GRID2: variants seen among roughly 807,000 people sequenced by gnomAD.
GRID2 encodes the protein glutamate receptor ionotropic, delta-2.
In GRID2, 33 loss-of-function variants were observed where a neutral mutation model predicts 114.8. That is an observed-to-expected ratio of 0.29 (90% CI 0.22 to 0.38). The LOEUF (loss-of-function observed/expected upper bound fraction) is 0.38. Ranked by LOEUF, GRID2 falls within the 10% of genes least tolerant of loss-of-function variation. The pLI, the probability that GRID2 is intolerant of heterozygous loss-of-function variation, is 1.00. For missense variants in GRID2, 1,184 were observed against 1,257.7 expected (o/e 0.94, Z 0.89); for synonymous variants, 505 against 449.9 (o/e 1.12, Z -1.55).
intron 2 of GRID2, among the ~76,000 whole-genome samples, chr4:92,994,494 T>G (rs1755084285): frequency 1.3e-5 from 2 of 151,906 alleles, no homozygotes; most frequent in Non-Finnish European, 2.9e-5. Flanking sequence ...GGGAATTTTT[T>G]TGTATTTTTA....
chr4:93,018,205 T>C (rs887526685), intron 2 of GRID2, among the ~76,000 whole-genome samples: 2 of 133,684 alleles, frequency 1.5e-5, no homozygotes, highest in African/African-American at 6.3e-5. Flanking sequence ...AATTTTAAGT[T>C]CCCAGTGTAT....
intron 2 of GRID2, among the ~76,000 whole-genome samples, chr4:93,019,041 T>C (rs1723030681): frequency 6.6e-6 from 1 of 151,998 alleles, no homozygotes; most frequent in East Asian, 1.9e-4. Context: ...ATAAAGGGAG[T>C]CTTTAGTTAA....
At chr4:93,332,969 G>C (rs1758657081) in intron 8 of GRID2, among the ~76,000 whole-genome samples, 2 of 152,100 alleles carry the variant, frequency 1.3e-5, no homozygotes, top group South Asian at 4.2e-4. Flanking sequence ...CAACCATACT[G>C]GCTTTGATAA....
intron 1 of GRID2, among the ~76,000 whole-genome samples, chr4:93,787,170 T>C (rs146162385): frequency 8.0e-4 from 122 of 151,994 alleles, no homozygotes; most frequent in African/African-American, 2.8e-3. Flanking sequence ...TGTGGGAGTT[T>C]TAATGAACCT....
intron 13 of GRID2, among the ~76,000 whole-genome samples, chr4:93,623,880 T>C (rs575848179): frequency 6.6e-6 from 1 of 152,160 alleles, no homozygotes; most frequent in Non-Finnish European, 1.5e-5. Flanking sequence ...TGCAAAGGTC[T>C]TAAGAGGTTC....
intron 2 of GRID2, among the ~76,000 whole-genome samples, chr4:92,934,701 C>T (rs1296364337): frequency 2.1e-5 from 3 of 146,050 alleles, no homozygotes; most frequent in Non-Finnish European, 3.0e-5. Flanking sequence ...TATAGATCAA[C>T]AGAACAGAAC....
At chr4:92,394,662 T>G (rs947877336) in intron 1 of GRID2, among the ~76,000 whole-genome samples, 1 of 151,992 alleles carries the variant, frequency 6.6e-6, no homozygotes, top group African/African-American at 2.4e-5. Flanking sequence ...ATACTTTTTA[T>G]TCTAAAAATT....
At chr4:93,002,027 T>C (rs1042616639) in intron 2 of GRID2, among the ~76,000 whole-genome samples, 5 of 151,616 alleles carry the variant, frequency 3.3e-5, no homozygotes, top group Non-Finnish European at 7.4e-5. Flanking sequence ...TTCTGTAAGC[T>C]AGTTTCTAAG....
chr4:92,587,898 A>G (rs919174648), intron 1 of GRID2, among the ~76,000 whole-genome samples: 1 of 152,184 alleles, frequency 6.6e-6, no homozygotes, highest in Non-Finnish European at 1.5e-5. Context: ...CTATAAAACA[A>G]GGTTGATAAG....
chr4:93,067,422 A>G lies in GRID2; in HGVS notation c.245-17573A>G, dbSNP rs1016810093. On this transcript the variant is annotated intron_variant, in intron 2 of 15. Transcript: ENST00000282020. ...CAGATTTGGTGTCTTGTAAGGGCCC[A>G]TGTTCTGTTATGGTGGAAGGAGAAG... Among the ~76,000 whole-genome samples, 206 of 152,094 alleles carry G rather than the reference A, an allele frequency of 1.4e-3. 2 individuals carry two copies. Among genetic ancestry groups the G allele is most frequent in the Non-Finnish European group, 1.9e-4 (13 of 67,952 alleles).
chr4:93,054,847 TA>T (rs112975447), intron 2 of GRID2, among the ~76,000 whole-genome samples: 3,316 of 151,886 alleles, frequency 0.022, 45 homozygotes, highest in Middle Eastern at 0.058. Flanking sequence ...ATAACAAGTT[TA>T]AAAATCCAGG....
chr4:93,446,372 G>A (rs1407115008), intron 10 of GRID2, among the ~76,000 whole-genome samples: 5 of 151,952 alleles, frequency 3.3e-5, no homozygotes, highest in African/African-American at 1.2e-4. Context: ...ACCAATTGTT[G>A]GAAGAGCTGA....
Position 93,073,828 on chromosome 4 carries a change from T to C in GRID2, c.245-11167T>C, listed in dbSNP as rs1260495119. On this transcript the variant is annotated intron_variant, in intron 2 of 15. Coordinates refer to ENST00000282020, the MANE Select transcript of GRID2 (RefSeq NM_001510.4). ...AAACTCTCCAGAGACCAATCACAAA[T>C]GAAAGGTGGTGTTTCAAAGATGAGG... Among the ~76,000 whole-genome samples the C allele has an allele frequency of 5.9e-5, 9 of 152,074 alleles. No homozygotes were observed. The South Asian group carries it at 1.9e-3, about 31-fold the overall frequency.
At chr4:93,336,956 G>A (rs1433401838) in intron 8 of GRID2, among the ~76,000 whole-genome samples, 2 of 135,592 alleles carry the variant, frequency 1.5e-5, no homozygotes, top group Admixed American at 6.8e-5. Flanking sequence ...TGTAAAAGAT[G>A]TGGCATCCAA....
At chr4:92,703,651 A>G (rs1734794709) in intron 2 of GRID2, among the ~76,000 whole-genome samples, 1 of 148,536 alleles carries the variant, frequency 6.7e-6, no homozygotes, top group Non-Finnish European at 1.5e-5. Context: ...ATATAAAATC[A>G]TGAGACTCCT....
chr4:93,084,869 T>C, intron 2 of GRID2, 126 bp from the exon 3 acceptor site: 1 of 665,868 alleles, frequency 1.5e-6, no homozygotes, highest in East Asian at 2.7e-5. Flanking sequence ...ATATCGAATG[T>C]TCCTTTCTAA....
chr4:92,784,085 T>G (rs1408283843), intron 2 of GRID2, among the ~76,000 whole-genome samples: 1 of 152,070 alleles, frequency 6.6e-6, no homozygotes, highest in Non-Finnish European at 1.5e-5. Flanking sequence ...CTTTTGTTTT[T>G]ATGATGATAT....
rs548933986 is a variant in GRID2 at position 92,915,088 on chromosome 4, G to A, written c.245-169907G>A. Among the ~76,000 whole-genome samples, 18 of 152,226 alleles carry A rather than the reference G, an allele frequency of 1.2e-4. No individual in the cohort carries two copies. In the East Asian group the frequency reaches 3.1e-3, roughly 26 times the overall value. On this transcript the variant is annotated intron_variant, in intron 2 of 15. Coordinates refer to ENST00000282020, the MANE Select transcript of GRID2 (RefSeq NM_001510.4). ...GGGGAAGCAAGGCACCTCTTCGCAA[G>A]GTGGCAGGAAGGAGTAGTGCTGAGC...
In GRID2 at chr4:93,578,585, GTA is replaced by G. The variant is rs1452878010; in HGVS notation, c.2194-47682_2194-47681del. Among the ~76,000 whole-genome samples, 436 of 115,242 alleles carry G rather than the reference GTA, an allele frequency of 3.8e-3. 2 individuals are homozygous for G. The highest frequency in any genetic ancestry group is 0.016 in the African/African-American group (412 of 26,472). 75.6% of individuals were successfully genotyped at this position (115,242 alleles called of 152,430 possible). A position where few individuals can be genotyped will look rare whatever the true frequency, so the allele number is the denominator to read the frequency against. ...GAAAAAGAACCTTGTCTTGTTTTTT[GTA>G]TTTTTTTTTTTTTTTTTTTTTTTTG... On this transcript the variant is annotated intron_variant, in intron 13 of 15. Coordinates refer to ENST00000282020, the MANE Select transcript of GRID2 (RefSeq NM_001510.4).
Sources: gnomAD v4.1 joint callset for allele counts (sites outside exome capture counted in the v4.1 genomes callset) on GRCh38, gnomAD v4.1.1 for gene constraint, MANE v1.5 for transcripts, NCBI Gene and HGNC (gene_info 2026-07-23, HGNC 2026-07-21) for gene names.